The following SGTB variants were observed in gnomAD, a reference collection of about 807,000 sequenced individuals.
SGTB encodes the protein small glutamine-rich tetratricopeptide repeat-containing protein beta.
A neutral mutation model predicts 43.9 loss-of-function variants in SGTB; 19 were observed. The observed-to-expected ratio is 0.43, with a 90% CI of 0.30 to 0.63. The LOEUF is 0.63. SGTB is among the 30% of genes least tolerant of loss of function. SGTB has a pLI of 0.12. For missense variants in SGTB, 304 were observed against 358.9 expected, an observed-to-expected ratio of 0.85 and a Z score of 1.24; for synonymous variants, 116 against 117.3, an observed-to-expected ratio of 0.99 and a Z score of 0.07.
intron 8 of SGTB, 85 bp downstream of exon 8, chr5:65,680,409 A>G: frequency 1.4e-6 from 2 of 1,406,840 alleles, no homozygotes; most frequent in South Asian, 2.5e-5. Context: ...CACCACAAAA[A>G]CTCACTTGTT....
Position 65,704,319 on chromosome 5 carries a change from T to C in SGTB, c.334A>G (p.Ile112Val). ...ACTGCATTATTGGGATCCAATTCTA[T>C]TGCCTGTGTGTAACAATCCACTGCA... is the stretch of plus-strand genomic sequence containing the variant. ...AAAVDCYTQA[I>V]ELDPNNAVYY... The change falls in exon 5 of 11, where the codon ATA becomes GTA. Residue 112 changes from isoleucine (I) to valine (V), a missense_variant. Coordinates refer to ENST00000381007, the MANE Select transcript of SGTB (RefSeq NM_019072.3). 1 of 1,612,710 alleles carries C rather than the reference T, an allele frequency of 6.2e-7. No individual in the cohort carries two copies. The highest frequency in any genetic ancestry group is 8.5e-7 in the Non-Finnish European group (1 of 1,179,386).
At position 65,712,511 on chromosome 5, in the gene SGTB, T is replaced by C. The variant is rs546259800; in HGVS notation, c.204+450A>G. Among the ~76,000 whole-genome samples, 8 of 152,334 alleles carry C rather than the reference T, an allele frequency of 5.3e-5. No homozygotes were observed. In the Middle Eastern group the frequency reaches 0.014, roughly 259 times the overall value. On this transcript the variant is annotated intron_variant, in intron 3 of 10. Coordinates refer to ENST00000381007, the MANE Select transcript of SGTB (RefSeq NM_019072.3). The stretch of plus-strand genomic sequence containing the variant: ...TAAGGAGCCCCATCAATGGGCAAAT[T>C]TGATGAATTCTGCTTCAGAAATGAC...
chr5:65,718,311 A>G (rs1220099335), intron 2 of SGTB, among the ~76,000 whole-genome samples: 1 of 152,192 alleles, frequency 6.6e-6, no homozygotes, highest in African/African-American at 2.4e-5. Flanking sequence ...CAGTTGTGAC[A>G]ATCAGAATGT....
In SGTB at chr5:65,666,962, TG is replaced by T. The variant is rs1345019520; in HGVS notation, c.*3283del. 2 of 152,212 alleles carry T rather than the reference TG, an allele frequency of 1.3e-5. No homozygotes were observed. The highest frequency in any genetic ancestry group is 2.9e-5 in the Non-Finnish European group (2 of 68,010). 9.4% of individuals were successfully genotyped at this position (152,212 alleles called of 1,614,324 possible). A position where few individuals can be genotyped will look rare whatever the true frequency, so the allele number is the denominator to read the frequency against. ...AAGTATTTCCTCCTCTTCTGTTTCC[TG>T]GAAGAGATTGTTTAGAATTGATATT... is the stretch of plus-strand genomic sequence containing the variant. On this transcript the variant is annotated 3_prime_UTR_variant, in exon 11 of 11. Coordinates refer to ENST00000381007, the MANE Select transcript of SGTB (RefSeq NM_019072.3).
At chr5:65,672,397 A>G in intron 8 of SGTB, 116 bp from the exon 9 acceptor site, 1 of 1,272,016 alleles carries the variant, frequency 7.9e-7, no homozygotes, top group Non-Finnish European at 1.1e-6. Context: ...CATTTTGTAG[A>G]GTTTCAGTGT....
At chr5:65,680,925 C>G (rs1274206970) in intron 6 of SGTB, 131 bp from the exon 7 acceptor site, 1 of 1,037,236 alleles carries the variant, frequency 9.6e-7, no homozygotes, top group Non-Finnish European at 1.4e-6. Context: ...ATTCACTGTA[C>G]TATGGCTCAC....
chr5:65,691,248 A>G (rs1027833265), intron 5 of SGTB, among the ~76,000 whole-genome samples: 7 of 152,208 alleles, frequency 4.6e-5, no homozygotes, highest in Non-Finnish European at 1.0e-4. Context: ...ATAAGACCTT[A>G]GTAGCAATGA....
chr5:65,713,111 AG>A lies in SGTB; in HGVS notation c.101-48del, dbSNP rs1579886375. 10 of 1,420,778 alleles carry A rather than the reference AG, an allele frequency of 7.0e-6. No individual in the cohort carries two copies. The East Asian group carries it at 2.4e-4, about 33-fold the overall frequency. The allele number at this position is 1,420,778 out of a possible 1,614,324, so 88.0% of individuals were successfully genotyped here. ...AAAAAACAATTAGCAATTTTAAAAA[AG>A]AAACAAGTTTTTTTTTTCTGATAGA... On this transcript the variant is annotated intron_variant, in intron 2 of 10. Transcript: ENST00000381007.
At chr5:65,722,647 C>T (rs929398185), upstream of SGTB, 14 of 520,446 alleles carry the variant, frequency 2.7e-5, no homozygotes, top group Non-Finnish European at 4.1e-5. Context: ...TTGTTTGGGA[C>T]TGCCTCAGCC....
chr5:65,707,922 A>T (rs1757968181), intron 4 of SGTB, among the ~76,000 whole-genome samples: 1 of 152,240 alleles, frequency 6.6e-6, no homozygotes, highest in Non-Finnish European at 1.5e-5. Context: ...CAAATCTTAC[A>T]GGCCTCACCT....
chr5:65,684,447 T>C (rs1213440754), intron 6 of SGTB, among the ~76,000 whole-genome samples: 2 of 152,084 alleles, frequency 1.3e-5, no homozygotes. Context: ...AGATGGAAGA[T>C]CTAATGTTGT....
rs538476759 is a variant in SGTB at position 65,691,856 on chromosome 5, G to A, written c.375-6384C>T. On this transcript the variant is annotated intron_variant, in intron 5 of 10. Transcript: ENST00000381007. Reference sequence around the variant, plus strand: ...CGACGCAGGAGAATGGCGTGAACCCGGGAGGCGGAGCTTGCAGTGAGCCGA... The same window carrying A: ...CGACGCAGGAGAATGGCGTGAACCCAGGAGGCGGAGCTTGCAGTGAGCCGA... 3.4e-3 allele frequency among the ~76,000 whole-genome samples: 518 copies of A among 151,202 alleles called. 4 individuals are homozygous for A. Among genetic ancestry groups the A allele is most frequent in the African/African-American group, 0.011 (473 of 41,376 alleles).
chr5:65,679,728 G>A (rs1757357632), intron 8 of SGTB, among the ~76,000 whole-genome samples: 1 of 152,228 alleles, frequency 6.6e-6, no homozygotes, highest in East Asian at 1.9e-4. Flanking sequence ...ATGTAAATTA[G>A]TTCAACCATT....
intron 4 of SGTB, among the ~76,000 whole-genome samples, chr5:65,706,313 A>C (rs1757931985): frequency 6.6e-6 from 1 of 152,180 alleles, no homozygotes; most frequent in African/African-American, 2.4e-5. Context: ...CATGTCAAAC[A>C]TTTTAATTTT....
rs1392808436 is a variant in SGTB, at chr5:65,712,982, C to T, written c.183G>A (p.Met61Ile). 6.2e-7 allele frequency: 1 copy of T among 1,613,154 alleles called. No individual in the cohort carries two copies. Among genetic ancestry groups the T allele is most frequent in the East Asian group, 2.2e-5 (1 of 44,786 alleles). Reference protein sequence around the residue: ...HLAVSQPLTEMFTSSFCKNDV... With the variant: ...HLAVSQPLTEIFTSSFCKNDV... ...ATACCTTACAGAAGGAACTGGTAAA[C>T]ATTTCTGTCAAAGGCTGTGAAACTG... Residue 61 changes from methionine to isoleucine, a missense_variant, in exon 3 of 11, where the codon ATG (methionine) becomes ATA (isoleucine). Transcript: ENST00000381007.
intron 8 of SGTB, among the ~76,000 whole-genome samples, chr5:65,675,380 T>G (rs1003449821): frequency 2.0e-5 from 3 of 152,194 alleles, no homozygotes. Context: ...ACCACTTTTA[T>G]GTAAGAGAGT....
At chr5:65,675,098 G>C (rs928634637) in intron 8 of SGTB, among the ~76,000 whole-genome samples, 2 of 152,170 alleles carry the variant, frequency 1.3e-5, no homozygotes, top group African/African-American at 4.8e-5. Context: ...AGTCACCCCA[G>C]GAGCTTGATA....
intron 2 of SGTB, among the ~76,000 whole-genome samples, chr5:65,715,831 G>A (rs9291845): frequency 0.017 from 2,622 of 152,274 alleles, 75 homozygotes; most frequent in African/African-American, 0.06. Flanking sequence ...GTGCAGTGGC[G>A]TAATCTTGGC....
At chr5:65,691,888 G>A (rs1461842865) in intron 5 of SGTB, among the ~76,000 whole-genome samples, 5 of 149,206 alleles carry the variant, frequency 3.4e-5, no homozygotes, top group East Asian at 2.0e-4. Context: ...CCGAGATCGC[G>A]CCACTGCACC....
Sources: allele counts gnomAD v4.1 joint callset (sites outside exome capture counted in the v4.1 genomes callset), GRCh38; gene constraint gnomAD v4.1.1; transcripts MANE v1.5; gene names NCBI Gene and HGNC (gene_info 2026-07-23, HGNC 2026-07-21).